Variants in SMYD2 observed in about 807,000 individuals in gnomAD.
SMYD2 encodes the protein SET and MYND domain containing 2, also known as N-lysine methyltransferase SMYD2.
SMYD2 carries 53 observed loss-of-function variants against 59.1 expected under a neutral mutation model. That is an observed-to-expected ratio of 0.90 (90% CI 0.72 to 1.13). The LOEUF (loss-of-function observed/expected upper bound fraction) is 1.13, where lower values mean the gene tolerates loss of function less well. Ranked by LOEUF, SMYD2 falls within the 50% of genes most tolerant of loss-of-function variation. The probability of loss-of-function intolerance (pLI) is 0.00; values close to 1 mark genes in which losing one functional copy is unlikely to be tolerated. For synonymous variants in SMYD2, 208 were observed against 198.8 expected (o/e 1.05, Z -0.39); for missense variants, 494 against 544.7 (o/e 0.91, Z 0.93).
At chr1:214,294,283 T>G (rs932909571) in intron 1 of SMYD2, among the ~76,000 whole-genome samples, 3 of 152,240 alleles carry the variant, frequency 2.0e-5, no homozygotes, top group African/African-American at 7.2e-5. Flanking sequence ...AATTGGTAAT[T>G]CAATTTTTTA....
intron 2 of SMYD2, among the ~76,000 whole-genome samples, chr1:214,307,483 A>G: frequency 6.6e-6 from 1 of 152,200 alleles, no homozygotes; most frequent in Non-Finnish European, 1.5e-5. Context: ...ACTGGATTCT[A>G]AGAACTTGAG....
chr1:214,329,758 T>C (rs918819816), intron 7 of SMYD2, among the ~76,000 whole-genome samples: 5 of 152,216 alleles, frequency 3.3e-5, no homozygotes, highest in Non-Finnish European at 7.3e-5. Flanking sequence ...TGCCCTCCCC[T>C]GCACGCAGCA....
chr1:214,326,406 C>T (rs1251357389), intron 6 of SMYD2, among the ~76,000 whole-genome samples: 1 of 152,158 alleles, frequency 6.6e-6, no homozygotes, highest in East Asian at 1.9e-4. Flanking sequence ...CTATTTAATA[C>T]TTCCGCAAGA....
intron 2 of SMYD2, among the ~76,000 whole-genome samples, chr1:214,310,027 G>A (rs1656974913): frequency 6.6e-6 from 1 of 152,168 alleles, no homozygotes; most frequent in Non-Finnish European, 1.5e-5. Context: ...CAGGTAGGCT[G>A]TGTTTGTTGT....
At chr1:214,317,290 C>T (rs1173916979) in intron 3 of SMYD2, among the ~76,000 whole-genome samples, 2 of 152,192 alleles carry the variant, frequency 1.3e-5, no homozygotes, top group African/African-American at 4.8e-5. Flanking sequence ...ATCTTTTCAT[C>T]TCTATAGGAC....
intron 1 of SMYD2, among the ~76,000 whole-genome samples, chr1:214,286,069 G>A (rs1656533119): frequency 6.6e-6 from 1 of 152,196 alleles, no homozygotes; most frequent in African/African-American, 2.4e-5. Flanking sequence ...CGCAAAGCAG[G>A]GACTTTGTGG....
chr1:214,315,011 G>A (rs530211204), intron 3 of SMYD2, 139 bp downstream of exon 3: 1 of 673,024 alleles, frequency 1.5e-6, no homozygotes, highest in Non-Finnish European at 2.6e-6. Flanking sequence ...CATATGGACA[G>A]GGGTGGGGAA....
chr1:214,300,846 AG>A (rs1656812137), intron 1 of SMYD2, among the ~76,000 whole-genome samples: 1 of 152,224 alleles, frequency 6.6e-6, no homozygotes, highest in African/African-American at 2.4e-5. Context: ...AGACCTGATG[AG>A]ATTACTAAAA....
At chr1:214,302,686 G>A (rs911303838) in intron 1 of SMYD2, among the ~76,000 whole-genome samples, 6 of 152,118 alleles carry the variant, frequency 3.9e-5, no homozygotes, top group Non-Finnish European at 8.8e-5. Context: ...GCCAGCCTTT[G>A]GTAGAGGTAT....
chr1:214,307,182 G>T (rs1247934669), intron 2 of SMYD2, among the ~76,000 whole-genome samples: 1 of 152,176 alleles, frequency 6.6e-6, no homozygotes, highest in Non-Finnish European at 1.5e-5. Context: ...TCAAAAGAAA[G>T]AAAGAAATTG....
chr1:214,302,901 A>T (rs188863212), intron 1 of SMYD2, among the ~76,000 whole-genome samples: 18 of 152,066 alleles, frequency 1.2e-4, no homozygotes, highest in Middle Eastern at 3.4e-3. Flanking sequence ...AACCATGATA[A>T]TTTTCTAATC....
chr1:214,337,017 CAT>C lies in SMYD2; in HGVS notation c.*236_*237del. The C allele has an allele frequency of 6.7e-6, 3 of 448,440 alleles. No homozygotes were observed. Among genetic ancestry groups the C allele is most frequent in the South Asian group, 2.9e-5 (1 of 34,046 alleles). The allele number at this position is 448,440 out of a possible 1,614,324, so 27.8% of individuals were successfully genotyped here. Reference sequence around the variant, plus strand: ...TTCCTAAGAGATAATGGCATGGTTTCATATGTTATACTTTGGACAGACAGAGT... The same window carrying C: ...TTCCTAAGAGATAATGGCATGGTTTCATGTTATACTTTGGACAGACAGAGT... On this transcript the variant is annotated 3_prime_UTR_variant, in exon 12 of 12. Coordinates refer to ENST00000366957, the MANE Select transcript of SMYD2 (RefSeq NM_020197.3).
Position 214,318,809 on chromosome 1 carries a change from T to C in SMYD2, c.410-50T>C. On this transcript the variant is annotated intron_variant, in intron 4 of 11. Coordinates refer to ENST00000366957, the MANE Select transcript of SMYD2 (RefSeq NM_020197.3). This position sits in a 1 kb window ranked among gnomAD's most constrained non-coding sequence, Gnocchi z 5.4. ...ATTTACAGCAAAAATAGGATGTAGC[T>C]AGAAATCCCACGCTTTCTACTGGGT... 1 of 1,599,470 alleles carries C rather than the reference T, an allele frequency of 6.3e-7. No homozygotes were observed.
At chr1:214,304,750 A>G (rs1656890751) in intron 1 of SMYD2, among the ~76,000 whole-genome samples, 2 of 152,148 alleles carry the variant, frequency 1.3e-5, no homozygotes, top group African/African-American at 2.4e-5. Context: ...CCAACACTCC[A>G]TCTTCATGGG....
chr1:214,290,112 A>T (rs1027821408), intron 1 of SMYD2, among the ~76,000 whole-genome samples: 1 of 152,174 alleles, frequency 6.6e-6, no homozygotes, highest in African/African-American at 2.4e-5. Flanking sequence ...TTCCTATTCA[A>T]TTGCAAAGGC....
chr1:214,284,567 CTT>C (rs763176844), intron 1 of SMYD2, among the ~76,000 whole-genome samples: 7 of 125,122 alleles, frequency 5.6e-5, no homozygotes, highest in Non-Finnish European at 5.2e-5. Context: ...AAGTTTTAGA[CTT>C]TTTTTTTTTT....
intron 2 of SMYD2, among the ~76,000 whole-genome samples, chr1:214,307,077 G>A (rs971639238): frequency 6.6e-6 from 1 of 152,268 alleles, no homozygotes; most frequent in Admixed American, 6.5e-5. Flanking sequence ...GGAGGCTGAG[G>A]CTGGAGAATC....
intron 1 of SMYD2, among the ~76,000 whole-genome samples, chr1:214,296,724 G>T (rs185019602): frequency 6.6e-6 from 1 of 152,008 alleles, no homozygotes; most frequent in Admixed American, 6.6e-5. Flanking sequence ...GTTCAGAAAG[G>T]ACTAGTAACT....
At chr1:214,291,124 A>G (rs570033503) in intron 1 of SMYD2, among the ~76,000 whole-genome samples, 6 of 152,322 alleles carry the variant, frequency 3.9e-5, no homozygotes, top group African/African-American at 1.4e-4. Context: ...GTATTTGTGG[A>G]CACTTAGTGG....
Sources: allele counts gnomAD v4.1 joint callset (sites outside exome capture counted in the v4.1 genomes callset), GRCh38; gene constraint gnomAD v4.1.1; non-coding constraint Gnocchi (gnomAD v3.1); transcripts MANE v1.5; gene names NCBI Gene and HGNC (gene_info 2026-07-23, HGNC 2026-07-21).